THSD4: variants seen among roughly 807,000 people sequenced by gnomAD.
The protein encoded by THSD4 is thrombospondin type 1 domain containing 4, also known as thrombospondin type-1 domain-containing protein 4.
Under a neutral mutation model 119.0 loss-of-function variants are expected in THSD4, and 69 were observed. That is an observed-to-expected ratio of 0.58 (90% CI 0.48 to 0.71). The LOEUF (loss-of-function observed/expected upper bound fraction) is 0.71. Among genes scored for constraint, THSD4 ranks in the 30% least tolerant of loss-of-function variants. The probability of loss-of-function intolerance (pLI) is 0.00; values close to 1 mark genes in which losing one functional copy is unlikely to be tolerated. For missense variants in THSD4, 1,393 were observed against 1,391.1 expected, an observed-to-expected ratio of 1.00 and a Z score of -0.02; for synonymous variants, 524 against 540.4, an observed-to-expected ratio of 0.97 and a Z score of 0.42.
chr15:71,416,601 G>A lies in THSD4; in HGVS notation c.1152+4778G>A, dbSNP rs1467673190. On this transcript the variant is annotated intron_variant, in intron 7 of 17. Coordinates refer to ENST00000261862, the MANE Select transcript of THSD4 (RefSeq NM_024817.3). ...TTTCTCTAATGATCAGTGATGTTGAGTAGGTTTCTATATACCTCTTTTCCA... is the reference window on the plus strand; with the variant it reads ...TTTCTCTAATGATCAGTGATGTTGAATAGGTTTCTATATACCTCTTTTCCA... Among the ~76,000 whole-genome samples, 7 of 108,996 alleles carry A rather than the reference G, an allele frequency of 6.4e-5. 2 individuals carry two copies. The highest frequency in any genetic ancestry group is 1.9e-4 in the African/African-American group (6 of 32,130). The allele number at this position is 108,996 out of a possible 152,430, so 71.5% of individuals were successfully genotyped here.
chr15:71,727,591 C>T (rs1405414039), intron 8 of THSD4, among the ~76,000 whole-genome samples: 9 of 9,940 alleles, frequency 9.1e-4, no homozygotes, highest in African/African-American at 1.9e-3. Flanking sequence ...TATATATACA[C>T]ACACACACAC....
chr15:71,412,707 T>C (rs1041904757), intron 7 of THSD4, among the ~76,000 whole-genome samples: 4 of 152,206 alleles, frequency 2.6e-5, no homozygotes, highest in South Asian at 2.1e-4. Context: ...ATTAGGGATA[T>C]TGAGGTGTTA....
At chr15:71,384,395 AAAACAT>A (rs1347058988) in intron 6 of THSD4, among the ~76,000 whole-genome samples, 6 of 152,154 alleles carry the variant, frequency 3.9e-5, no homozygotes, top group Non-Finnish European at 8.8e-5. Flanking sequence ...AAAAAAAACA[AAAACAT>A]GAAACTATTT....
rs10717858 is a variant in THSD4 at position 71,109,731 on chromosome 15, GAA to G, written c.-80+12738_-80+12739del. ...AGTGGTGAAAGGAAACACTAAAAGA[GAA>G]AAAAAAAAAAAAGGAACGTGGGACC... On this transcript the variant is annotated intron_variant, in intron 1 of 17. Transcript: ENST00000355327. Among the ~76,000 whole-genome samples the G allele has an allele frequency of 3.5e-3, 469 of 132,650 alleles. 2 individuals are homozygous for G. The highest frequency in any genetic ancestry group is 0.012 in the African/African-American group (444 of 36,818). The allele number at this position is 132,650 out of a possible 152,430, so 87.0% of individuals were successfully genotyped here.
At chr15:71,170,594 A>G (rs1254067409) in intron 3 of THSD4, among the ~76,000 whole-genome samples, 1 of 152,222 alleles carries the variant, frequency 6.6e-6, no homozygotes, top group Non-Finnish European at 1.5e-5. Context: ...AGCATAAAGT[A>G]TGGGAATATA....
chr15:71,477,698 C>T (rs1423320042), intron 7 of THSD4, among the ~76,000 whole-genome samples: 2 of 152,128 alleles, frequency 1.3e-5, no homozygotes, highest in African/African-American at 4.8e-5. Context: ...GCTGACCATT[C>T]TCCAGTCTTC....
intron 7 of THSD4, chr15:71,547,570 G>A: frequency 6.8e-7 from 1 of 1,461,260 alleles, no homozygotes; most frequent in Non-Finnish European, 9.2e-7. Context: ...TCAGGGAATG[G>A]AATTTTATGG....
At chr15:71,575,211 A>G (rs1043678378) in intron 7 of THSD4, among the ~76,000 whole-genome samples, 74 of 152,304 alleles carry the variant, frequency 4.9e-4, no homozygotes, top group African/African-American at 1.6e-3. Flanking sequence ...TAGGAAGCCA[A>G]TGGATTTCTC....
intron 6 of THSD4, among the ~76,000 whole-genome samples, chr15:71,275,735 C>A (rs534385731): frequency 1.3e-5 from 2 of 152,008 alleles, no homozygotes; most frequent in African/African-American, 4.8e-5. Flanking sequence ...GGGGCAGTTA[C>A]CCCTTGCTGC....
chr15:71,135,758 G>A (rs1233321645), intron 1 of THSD4, among the ~76,000 whole-genome samples: 2 of 152,040 alleles, frequency 1.3e-5, no homozygotes, highest in Non-Finnish European at 2.9e-5. Context: ...GGGACACTCC[G>A]CACATCTTGT....
At chr15:71,505,593 A>G (rs2048174138) in intron 7 of THSD4, among the ~76,000 whole-genome samples, 1 of 152,256 alleles carries the variant, frequency 6.6e-6, no homozygotes, top group South Asian at 2.1e-4. Context: ...TTTAAAAATC[A>G]AGTTTCCAAC....
intron 3 of THSD4, among the ~76,000 whole-genome samples, chr15:71,155,408 C>T (rs2040766992): frequency 6.6e-6 from 1 of 152,186 alleles, no homozygotes; most frequent in African/African-American, 2.4e-5. Context: ...CACCTTCCAC[C>T]AGGCCCCGCC....
chr15:71,388,988 C>T (rs1426525682), intron 6 of THSD4, among the ~76,000 whole-genome samples: 2 of 151,944 alleles, frequency 1.3e-5, no homozygotes, highest in Non-Finnish European at 2.9e-5. Flanking sequence ...TAAGGGGAAA[C>T]CCCTTTTGCT....
At chr15:71,434,916 C>A (rs1455230785) in intron 7 of THSD4, among the ~76,000 whole-genome samples, 1 of 152,084 alleles carries the variant, frequency 6.6e-6, no homozygotes, top group Non-Finnish European at 1.5e-5. Context: ...AATCAATAAG[C>A]CTTTTATGAC....
At chr15:71,318,962 T>G (rs182619587) in intron 6 of THSD4, among the ~76,000 whole-genome samples, 116 of 152,286 alleles carry the variant, frequency 7.6e-4, no homozygotes, top group Non-Finnish European at 1.4e-3. Context: ...TTCTCAGAGT[T>G]TCAGTTTCCT....
intron 6 of THSD4, among the ~76,000 whole-genome samples, chr15:71,299,403 A>G (rs1207743547): frequency 6.6e-6 from 1 of 152,196 alleles, no homozygotes; most frequent in Non-Finnish European, 1.5e-5. Flanking sequence ...CAAAAGAAAA[A>G]CAATGTGCTT....
intron 7 of THSD4, among the ~76,000 whole-genome samples, chr15:71,576,100 T>C (rs573673158): frequency 1.0e-3 from 98 of 95,296 alleles, no homozygotes; most frequent in South Asian, 7.8e-3. Context: ...AGTAGTCTTT[T>C]TTGTGGAAAA....
intron 6 of THSD4, among the ~76,000 whole-genome samples, chr15:71,266,001 G>T (rs1250884770): frequency 1.3e-5 from 2 of 152,206 alleles, no homozygotes; most frequent in Non-Finnish European, 2.9e-5. Flanking sequence ...GGGACAGACC[G>T]CCTGGGGGAA....
chr15:71,504,479 A>G (rs2048160265), intron 7 of THSD4, among the ~76,000 whole-genome samples: 1 of 152,254 alleles, frequency 6.6e-6, no homozygotes, highest in African/African-American at 2.4e-5. Context: ...TCACACATTC[A>G]TCTCAGAAAC....
Sources: gnomAD v4.1 joint callset for allele counts (sites outside exome capture counted in the v4.1 genomes callset) on GRCh38, gnomAD v4.1.1 for gene constraint, MANE v1.5 for transcripts, NCBI Gene and HGNC (gene_info 2026-07-23, HGNC 2026-07-21) for gene names.